The following TRPM3 variants were observed in gnomAD, a reference collection of about 807,000 sequenced individuals.
The protein encoded by TRPM3 is transient receptor potential cation channel subfamily M member 3.
TRPM3 carries 77 observed loss-of-function variants against 181.2 expected under a neutral mutation model. The ratio of observed to expected loss-of-function variants is 0.42; its 90% CI spans 0.35 to 0.51. TRPM3 has a LOEUF of 0.51. Among genes scored for constraint, TRPM3 ranks in the 20% least tolerant of loss-of-function variants. The probability of loss-of-function intolerance (pLI) is 0.01; values close to 1 mark genes in which losing one functional copy is unlikely to be tolerated. For synonymous variants in TRPM3, 745 were observed against 796.4 expected (o/e 0.94, Z 1.09); for missense variants, 1,759 against 2,196.7 (o/e 0.80, Z 3.98).
chr9:70,548,734 A>G (rs981608056), intron 25 of TRPM3, among the ~76,000 whole-genome samples: 3 of 152,220 alleles, frequency 2.0e-5, no homozygotes, highest in African/African-American at 7.2e-5. Flanking sequence ...GCCAGCCTGG[A>G]ATGAAGTTTC....
At chr9:70,845,125 G>A (rs1226515251) in intron 4 of TRPM3, among the ~76,000 whole-genome samples, 1 of 152,104 alleles carries the variant, frequency 6.6e-6, no homozygotes, top group African/African-American at 2.4e-5. Context: ...ATATCTTTAC[G>A]TAGCTGTGTG....
chr9:71,094,241 C>T (rs1052535147), intron 1 of TRPM3, among the ~76,000 whole-genome samples: 1 of 151,618 alleles, frequency 6.6e-6, no homozygotes, highest in Non-Finnish European at 1.5e-5. Flanking sequence ...GCAGGCATCC[C>T]AGAGCTTAAA....
Position 71,441,227 on chromosome 9 carries a change from CT to C in TRPM3, c.183+5425del, listed in dbSNP as rs142003806. Among the ~76,000 whole-genome samples, 172 of 148,752 alleles carry C rather than the reference CT, an allele frequency of 1.2e-3. 1 individual carries two copies. The highest frequency in any genetic ancestry group is 6.7e-3 in the East Asian group (34 of 5,092). ...AAATGGACCATTATCAGAAAATGGT[CT>C]TTTTTTTTTCACACACAAAAAAAAT... On this transcript the variant is annotated intron_variant, in intron 1 of 24. Transcript: ENST00000357533.
In TRPM3 at chr9:70,644,582, C is replaced by G. The variant is rs547309026; in HGVS notation, c.1346-3922G>C. 2.0e-5 allele frequency among the ~76,000 whole-genome samples: 3 copies of G among 152,270 alleles called. No individual in the cohort carries two copies. The East Asian group carries it at 5.8e-4, about 29-fold the overall frequency. On this transcript the variant is annotated intron_variant, in intron 9 of 25. Transcript: ENST00000677713. The stretch of plus-strand genomic sequence containing the variant: ...TCAAAATAATAAAAACCATTTATGA[C>G]AAACCCACAGCCAATATCATACTGA...
rs751490333 is a variant in TRPM3 at position 70,537,278 on chromosome 9, G to C, written c.3835C>G (p.Leu1279Val). ...CGCTCCAGACCTGTCAGGCGCTCCA[G>C]GGCCGTGGCCATGCGCCCGATAAGG... ...EDLIGRMATALERLTGLERAE... is the reference protein window; with the variant it reads ...EDLIGRMATAVERLTGLERAE... The change falls in exon 26 of 26, where the codon CTG becomes GTG. Residue 1279 changes from leucine to valine, a missense_variant. By Grantham distance (32) the Leu-to-Val change is conservative. Around this residue, in one of 8 missense-constraint regions of TRPM3, gnomAD observed 612 missense variants for 590.0 expected, o/e 1.04. Transcript: ENST00000677713. 2 of 1,574,724 alleles carry C rather than the reference G, an allele frequency of 1.3e-6. No homozygotes were observed. The highest frequency in any genetic ancestry group is 2.7e-5 in the African/African-American group (2 of 73,622).
At chr9:71,037,457 T>C (rs1565040831) in intron 1 of TRPM3, among the ~76,000 whole-genome samples, 1 of 152,264 alleles carries the variant, frequency 6.6e-6, no homozygotes, top group African/African-American at 2.4e-5. Context: ...TGAACATTTT[T>C]ATGTAAATAT....
At chr9:71,277,509 C>A (rs1421253494) in intron 1 of TRPM3, among the ~76,000 whole-genome samples, 2 of 151,858 alleles carry the variant, frequency 1.3e-5, no homozygotes, top group Admixed American at 6.6e-5. Flanking sequence ...TTGGGAAAAT[C>A]AATGTGACAA....
intron 1 of TRPM3, among the ~76,000 whole-genome samples, chr9:71,146,071 T>C (rs997880966): frequency 1.3e-5 from 2 of 152,190 alleles, no homozygotes; most frequent in African/African-American, 4.8e-5. Context: ...CAATTTTCCA[T>C]TTACAGACAA....
intron 8 of TRPM3, among the ~76,000 whole-genome samples, chr9:70,742,051 T>A (rs1298802108): frequency 1.3e-5 from 2 of 152,316 alleles, no homozygotes; most frequent in East Asian, 3.9e-4. Context: ...TAAAGTTTTT[T>A]AATTTTTTAA....
At chr9:70,627,265 C>CTTTTTTTT (rs1175860330) in intron 12 of TRPM3, among the ~76,000 whole-genome samples, 8 of 79,576 alleles carry the variant, frequency 1.0e-4, no homozygotes, top group East Asian at 4.7e-4. Flanking sequence ...TCCATTGCTG[C>CTTTTTTTT]TTTTTTTTTT....
chr9:71,179,367 C>T (rs1407733864), intron 1 of TRPM3, among the ~76,000 whole-genome samples: 2 of 152,144 alleles, frequency 1.3e-5, no homozygotes, highest in Non-Finnish European at 1.5e-5. Context: ...AGCAGTCATC[C>T]ACTTGTCTGG....
chr9:70,559,158 C>T (rs949135259), intron 22 of TRPM3, among the ~76,000 whole-genome samples: 1 of 152,188 alleles, frequency 6.6e-6, no homozygotes, highest in African/African-American at 2.4e-5. Flanking sequence ...TTTTGTCTCT[C>T]TTGTTCACTA....
Position 70,781,326 on chromosome 9 carries a change from TA to T in TRPM3, c.1148+2778del, listed in dbSNP as rs35173071. Among the ~76,000 whole-genome samples, 1,035 of 106,094 alleles carry T rather than the reference TA, an allele frequency of 9.8e-3. 15 individuals carry two copies. Among genetic ancestry groups the T allele is most frequent in the African/African-American group, 0.032 (858 of 26,916 alleles). 69.6% of individuals were successfully genotyped at this position (106,094 alleles called of 152,430 possible). On this transcript the variant is annotated intron_variant, in intron 7 of 25. Transcript: ENST00000677713. ...GGGGACAGCATGAGATTCCATTTCA[TA>T]AAAAAAAAAAAAAAAAAAAAAAGAA...
chr9:71,269,937 T>C (rs554257059), intron 1 of TRPM3, among the ~76,000 whole-genome samples: 2 of 152,342 alleles, frequency 1.3e-5, no homozygotes, highest in African/African-American at 4.8e-5. Flanking sequence ...CTCAGTTTTA[T>C]GAGTTTGCAT....
At chr9:71,127,076 AC>A in intron 1 of TRPM3, among the ~76,000 whole-genome samples, 1 of 151,742 alleles carries the variant, frequency 6.6e-6, no homozygotes, top group African/African-American at 2.4e-5. Flanking sequence ...AAAAACAAAA[AC>A]AAAAACTCTC....
At chr9:71,298,332 T>G (rs553712659) in intron 1 of TRPM3, among the ~76,000 whole-genome samples, 1 of 152,150 alleles carries the variant, frequency 6.6e-6, no homozygotes, top group Non-Finnish European at 1.5e-5. Context: ...TTCCTTATTA[T>G]GAAGATCAAT....
At chr9:71,222,977 G>T (rs918830683) in intron 1 of TRPM3, among the ~76,000 whole-genome samples, 2 of 152,136 alleles carry the variant, frequency 1.3e-5, no homozygotes, top group Admixed American at 1.3e-4. Flanking sequence ...AGGCCACAAA[G>T]GCTGCAACTT....
intron 1 of TRPM3, among the ~76,000 whole-genome samples, chr9:71,427,192 A>G (rs954349471): frequency 1.3e-5 from 2 of 152,052 alleles, no homozygotes; most frequent in Admixed American, 6.6e-5. Flanking sequence ...TTGTTGATAG[A>G]CTCAAAGTGG....
intron 1 of TRPM3, among the ~76,000 whole-genome samples, chr9:70,998,228 TACACACAC>T (rs34038564): frequency 7.0e-6 from 1 of 143,382 alleles, no homozygotes; most frequent in African/African-American, 2.6e-5. Context: ...TATATACATA[TACACACAC>T]ACACACACAC....
Sources: gnomAD v4.1 joint callset for allele counts (sites outside exome capture counted in the v4.1 genomes callset) on GRCh38, gnomAD v4.1.1 for gene constraint, gnomAD v4.1.1 regional missense constraint, MANE v1.5 for transcripts, NCBI Gene and HGNC (gene_info 2026-07-23, HGNC 2026-07-21) for gene names.